The following LRSAM1 variants were observed in gnomAD, a reference collection of about 807,000 sequenced individuals.
LRSAM1 encodes the protein E3 ubiquitin-protein ligase LRSAM1.
In LRSAM1, 96 loss-of-function variants were observed where a neutral mutation model predicts 118.1. That is an observed-to-expected ratio of 0.81 (90% CI 0.69 to 0.96). LRSAM1 has a LOEUF of 0.96. Ranked by LOEUF, LRSAM1 falls within the 40% of genes least tolerant of loss-of-function variation. The pLI is 0.00. For synonymous variants in LRSAM1, 322 were observed against 364.2 expected, an observed-to-expected ratio of 0.88 and a Z score of 1.32; for missense variants, 804 against 915.5, an observed-to-expected ratio of 0.88 and a Z score of 1.57.
intron 21 of LRSAM1, 131 bp from the exon 22 acceptor site, chr9:127,495,189 G>A: frequency 1.4e-6 from 1 of 732,440 alleles, no homozygotes. Flanking sequence ...CCGACCTCAG[G>A]TGATCTGCCC....
At chr9:127,485,602 A>G in intron 16 of LRSAM1, 134 bp from the exon 17 acceptor site, 1 of 790,798 alleles carries the variant, frequency 1.3e-6, no homozygotes, top group Admixed American at 1.9e-5. Flanking sequence ...TTTTTAAGAT[A>G]ACTATCAGGT....
rs3053015 is a variant in LRSAM1 at position 127,489,556 on chromosome 9, CAG to C, written c.1422+42_1422+43del. ...GCTGGGGTCCCTGGACCTGCTCTCT[CAG>C]AGACTTGCAGAGTGGCCCTCCAGGG... is the stretch of plus-strand genomic sequence containing the variant. On this transcript the variant is annotated intron_variant, in intron 19 of 25. Transcript: ENST00000300417. 0.18 allele frequency: 279,511 copies of C among 1,578,048 alleles called. 27,641 individuals are homozygous for C. The highest frequency in any genetic ancestry group is 0.42 in the Admixed American group (22,739 of 53,976).
intron 5 of LRSAM1, among the ~76,000 whole-genome samples, chr9:127,456,017 G>A (rs910676778): frequency 1.3e-5 from 2 of 152,132 alleles, no homozygotes; most frequent in African/African-American, 4.8e-5. Context: ...GAACCCCGGT[G>A]TTAGTAATAA....
At chr9:127,493,826 C>T (rs1209443869) in intron 21 of LRSAM1, among the ~76,000 whole-genome samples, 2 of 152,224 alleles carry the variant, frequency 1.3e-5, no homozygotes, top group Non-Finnish European at 2.9e-5. Context: ...AGGCCAGGCT[C>T]ACCATCTGGG....
chr9:127,485,733 C>T lies in LRSAM1; in HGVS notation c.1160-3C>T. 1 of 1,614,104 alleles carries T rather than the reference C, an allele frequency of 6.2e-7. No homozygotes were observed. On this transcript the variant is annotated splice_region_variant and splice_polypyrimidine_tract_variant and intron_variant, in intron 16 of 25. Coordinates refer to ENST00000300417, the MANE Select transcript of LRSAM1 (RefSeq NM_001005373.4). ...CAGCTGTCCCCACCTCATGTTCCCA[C>T]AGCCGCCATGCAGCAGATGCTGACT...
chr9:127,454,548 G>A lies in LRSAM1; in HGVS notation c.21G>A (p.Lys7=). 6.2e-7 allele frequency: 1 copy of A among 1,614,124 alleles called. No individual in the cohort carries two copies. Among genetic ancestry groups the A allele is most frequent in the East Asian group, 2.2e-5 (1 of 44,884 alleles). ...GAAGGATGCCGCTCTTCTTCCGGAA[G>A]CGGAAACCCAGTGAGGAGGCTCGGA... MPLFFR[K]RKPSEEARKR... Residue 7 remains lysine, a synonymous_variant, in exon 3 of 26, where the codon AAG becomes AAA. Coordinates refer to ENST00000300417, the MANE Select transcript of LRSAM1 (RefSeq NM_001005373.4).
rs1295196416 is a variant in LRSAM1, at chr9:127,478,796, A to G, written c.751-138A>G. The G allele has an allele frequency of 3.7e-6, 3 of 815,962 alleles. No individual in the cohort carries two copies. The African/African-American group carries it at 5.1e-5, about 14-fold the overall frequency. 50.5% of individuals were successfully genotyped at this position (815,962 alleles called of 1,614,324 possible). On this transcript the variant is annotated intron_variant, in intron 11 of 25. Coordinates refer to ENST00000300417, the MANE Select transcript of LRSAM1 (RefSeq NM_001005373.4). ...TCAATACGGATCCCCTCATCCCCCG[A>G]CCCCACCATTCTGAGGCAGTGGTCT...
rs111756778 is a variant in LRSAM1 at position 127,497,735 on chromosome 9, T to G, written c.1912+401T>G. Among the ~76,000 whole-genome samples the G allele has an allele frequency of 3.9e-5, 6 of 152,202 alleles. 1 individual carries two copies. Among genetic ancestry groups the G allele is most frequent in the African/African-American group, 1.4e-4 (6 of 41,540 alleles). ...GCATGCCTGTGGACATGGAGAGATG[T>G]CCACAACAGGCTGTGAAGGGGCAAA... On this transcript the variant is annotated intron_variant, in intron 24 of 25. Transcript: ENST00000300417.
intron 21 of LRSAM1, among the ~76,000 whole-genome samples, chr9:127,494,219 G>A (rs187977837): frequency 2.3e-3 from 358 of 152,366 alleles, no homozygotes; most frequent in African/African-American, 8.2e-3. Flanking sequence ...GGCCAACGAC[G>A]GAAGGGAGCA....
intron 19 of LRSAM1, 32 bp from the exon 20 acceptor site, chr9:127,491,183 T>TA (rs554583477): frequency 4.6e-4 from 706 of 1,544,562 alleles, no homozygotes; most frequent in Admixed American, 1.7e-3. Context: ...TTAATGTGAG[T>TA]AAAAAAAAAC....
chr9:127,479,412 T>C lies in LRSAM1; in HGVS notation c.810T>C (p.Phe270=). ...KEQKMLEKLE[F]ERRLELGQRE... Reference sequence around the variant, plus strand: ...AGAAGATGCTGGAGAAACTCGAGTTTGAACGGCGCCTGGAACTGGGGCAGC... The same window carrying C: ...AGAAGATGCTGGAGAAACTCGAGTTCGAACGGCGCCTGGAACTGGGGCAGC... The change falls in exon 13 of 26, where the codon TTT becomes TTC. Residue 270 remains phenylalanine, a synonymous_variant. Transcript: ENST00000300417. 1 of 1,614,184 alleles carries C rather than the reference T, an allele frequency of 6.2e-7. No individual in the cohort carries two copies. The highest frequency in any genetic ancestry group is 8.5e-7 in the Non-Finnish European group (1 of 1,180,026).
chr9:127,458,895 T>G, intron 6 of LRSAM1, 108 bp from the exon 7 acceptor site: 1 of 1,017,946 alleles, frequency 9.8e-7, no homozygotes, highest in Non-Finnish European at 1.5e-6. Context: ...AGGCACTCTG[T>G]TTCTGCACTG....
chr9:127,465,956 G>A lies in LRSAM1; in HGVS notation c.529-1784G>A, dbSNP rs139660230. On this transcript the variant is annotated intron_variant, in intron 9 of 25. Transcript: ENST00000300417. The surrounding 1 kb of genome is among the most constrained non-coding windows in gnomAD (Gnocchi z 4.1). Reference sequence around the variant, plus strand: ...TGCATGTGTGCGCTGATAAACATTTGTCATTACATAATTTAAAAGTCATAC... The same window carrying A: ...TGCATGTGTGCGCTGATAAACATTTATCATTACATAATTTAAAAGTCATAC... 6.6e-6 allele frequency among the ~76,000 whole-genome samples: 1 copy of A among 152,134 alleles called. No homozygotes were observed. The highest frequency in any genetic ancestry group is 2.4e-5 in the African/African-American group (1 of 41,478).
intron 22 of LRSAM1, 132 bp from the exon 23 acceptor site, chr9:127,495,832 T>G: frequency 5.9e-6 from 8 of 1,353,852 alleles, no homozygotes; most frequent in African/African-American, 2.9e-5. Context: ...TGCCTACCTA[T>G]GAGTTTTTGT....
rs547714044 is a variant in LRSAM1 at position 127,478,840 on chromosome 9, T to A, written c.751-94T>A. 4.2e-5 allele frequency: 54 copies of A among 1,272,486 alleles called. No individual in the cohort carries two copies. In the South Asian group the frequency reaches 5.4e-4, roughly 13 times the overall value. The allele number at this position is 1,272,486 out of a possible 1,614,324, so 78.8% of individuals were successfully genotyped here. On this transcript the variant is annotated intron_variant, in intron 11 of 25. Coordinates refer to ENST00000300417, the MANE Select transcript of LRSAM1 (RefSeq NM_001005373.4). ...GTGGTCTGGGGTGGGCCAGAGTTTG[T>A]ATAACATCAGGCCACCCGGGGGTTC...
At chr9:127,485,144 T>C (rs1466782198) in intron 16 of LRSAM1, among the ~76,000 whole-genome samples, 1 of 152,150 alleles carries the variant, frequency 6.6e-6, no homozygotes, top group African/African-American at 2.4e-5. Flanking sequence ...GCATAAAAAC[T>C]GACTAGAAGA....
In LRSAM1 at chr9:127,467,759, C is replaced by T. The variant is rs75690855; in HGVS notation, c.548C>T (p.Ser183Leu). The T allele has an allele frequency of 6.0e-3, 9,592 of 1,610,262 alleles. 459 individuals carry two copies. In the African/African-American group the frequency reaches 0.11, roughly 19 times the overall value. Residue 183 changes from serine to leucine, a missense_variant, in exon 10 of 26, where the codon TCG becomes TTG. Physicochemically the swap from Ser to Leu is moderately radical, Grantham distance 145. Transcript: ENST00000300417. ...CTGCAGATGCTGAGCCTTGACGCCT[C>T]GGCCATGGTCTACCCGCCGCGGGAG... ...RTLEMLSLDA[S>L]AMVYPPREVC...
In LRSAM1 at chr9:127,473,780, CT is replaced by C. The variant is rs745687258; in HGVS notation, c.620-19del. 1.1e-5 allele frequency: 18 copies of C among 1,613,976 alleles called. No individual in the cohort carries two copies. In the South Asian group the frequency reaches 1.9e-4, roughly 17 times the overall value. Reference sequence around the variant, plus strand: ...CAGCTGTCTCCTCCCTCCTGGTCAGCTTGTGTCCCGTCTCTTACAGAGTCAG... The same window carrying C: ...CAGCTGTCTCCTCCCTCCTGGTCAGCTGTGTCCCGTCTCTTACAGAGTCAG... On this transcript the variant is annotated intron_variant, in intron 10 of 25. Transcript: ENST00000300417.
At position 127,458,398 on chromosome 9, in the gene LRSAM1, AC is replaced by A. The variant is rs1455891496; in HGVS notation, c.253-604del. ...AGCGAGACTTCGTCTCAAAAACAAA[AC>A]AAAACAAAACAAAACAAAACAAAAA... On this transcript the variant is annotated intron_variant, in intron 6 of 25. Transcript: ENST00000300417. Among the ~76,000 whole-genome samples, 8 of 148,898 alleles carry A rather than the reference AC, an allele frequency of 5.4e-5. 1 individual carries two copies. The highest frequency in any genetic ancestry group is 1.3e-4 in the Admixed American group (2 of 15,042).
Sources: gnomAD v4.1 joint callset for allele counts (sites outside exome capture counted in the v4.1 genomes callset) on GRCh38, gnomAD v4.1.1 for gene constraint, Gnocchi (gnomAD v3.1) non-coding constraint, MANE v1.5 for transcripts, NCBI Gene and HGNC (gene_info 2026-07-23, HGNC 2026-07-21) for gene names.